NID2: variants seen among roughly 807,000 people sequenced by gnomAD.
NID2 encodes nidogen 2, also known as nidogen-2.
NID2 carries 83 observed loss-of-function variants against 145.4 expected under a neutral mutation model. The ratio of observed to expected loss-of-function variants is 0.57; its 90% CI spans 0.48 to 0.69. The LOEUF (loss-of-function observed/expected upper bound fraction) is 0.69. NID2 is among the 30% of genes least tolerant of loss of function. The probability of loss-of-function intolerance (pLI) is 0.00; values close to 1 mark genes in which losing one functional copy is unlikely to be tolerated. For synonymous variants in NID2, 739 were observed against 701.3 expected (o/e 1.05, Z -0.85); for missense variants, 1,807 against 1,765.7 (o/e 1.02, Z -0.42).
intron 14 of NID2, among the ~76,000 whole-genome samples, chr14:52,018,016 A>G (rs891644733): frequency 1.3e-5 from 2 of 152,134 alleles, no homozygotes; most frequent in Admixed American, 1.3e-4. Flanking sequence ...ACGGGGTTTC[A>G]CTATGTTGGC....
At chr14:52,025,449 C>T (rs1440066529) in intron 12 of NID2, among the ~76,000 whole-genome samples, 1 of 152,200 alleles carries the variant, frequency 6.6e-6, no homozygotes, top group African/African-American at 2.4e-5. Context: ...AATACCAAGA[C>T]ACACAGGAAT....
In NID2 at chr14:52,028,749, A is replaced by C; in HGVS notation, c.2503T>G (p.Phe835Val). Residue 835 changes from phenylalanine (F) to valine (V), a missense_variant, in exon 11 of 22, where the codon TTT (phenylalanine) becomes GTT (valine). Transcript: ENST00000216286. ...YRCECRSGYE[F>V]ADDRHTCILI... ...ATGCAAGTATGCCGGTCATCTGCAA[A>C]CTCATAACCACTCCGGCACTCACAC... 2 of 1,612,816 alleles carry C rather than the reference A, an allele frequency of 1.2e-6. No individual in the cohort carries two copies. The highest frequency in any genetic ancestry group is 1.7e-6 in the Non-Finnish European group (2 of 1,179,496).
Position 52,014,408 on chromosome 14 carries a change from T to TCTGGC in NID2, c.3294_3298dup (p.Asp1100GlyfsTer4), listed in dbSNP as rs1281713065. 6 of 1,614,114 alleles carry TCTGGC rather than the reference T, an allele frequency of 3.7e-6. No homozygotes were observed. Among genetic ancestry groups the TCTGGC allele is most frequent in the Non-Finnish European group, 5.1e-6 (6 of 1,179,980 alleles). ...GGTGCCCACAGATGGAGGGGTCACA[T>TCTGGC]CTGGCCGGGGCGTGGGCCGGACCAT... is the stretch of plus-strand genomic sequence containing the variant. On this transcript the variant is annotated frameshift_variant, in exon 16 of 22. Transcript: ENST00000216286. LOFTEE classifies it high-confidence loss of function.
chr14:52,005,535 G>A (rs1423452891), intron 21 of NID2, 39 bp from the exon 22 acceptor site: 15 of 1,588,336 alleles, frequency 9.4e-6, no homozygotes, highest in Non-Finnish European at 1.3e-5. Flanking sequence ...GGTGGTGGGT[G>A]AGTATATTGT....
Position 52,048,804 on chromosome 14 carries a change from A to G in NID2, c.1429+4775T>C, listed in dbSNP as rs10139081. On this transcript the variant is annotated intron_variant, in intron 5 of 21. Transcript: ENST00000216286. ...AGGGAAGACCTCGGGAGAAGGAGACATTTGGGCAGAGGCCTGGAGGTGTTG... is the reference window on the plus strand; with the variant it reads ...AGGGAAGACCTCGGGAGAAGGAGACGTTTGGGCAGAGGCCTGGAGGTGTTG... Among the ~76,000 whole-genome samples, 530 of 152,258 alleles carry G rather than the reference A, an allele frequency of 3.5e-3. 5 individuals carry two copies. The highest frequency in any genetic ancestry group is 0.012 in the African/African-American group (512 of 41,542).
At position 52,015,279 on chromosome 14, in the gene NID2, A is replaced by G; in HGVS notation, c.3029-4T>C. On this transcript the variant is annotated splice_polypyrimidine_tract_variant and splice_region_variant and intron_variant, in intron 14 of 21. Coordinates refer to ENST00000216286, the MANE Select transcript of NID2 (RefSeq NM_007361.4). ...GTCGGGGGCCTCTGGGTGGGCTCTG[A>G]GCAGATGGGGAAGAGGGAAGAAGAA... The G allele has an allele frequency of 6.2e-7, 1 of 1,602,718 alleles. No individual in the cohort carries two copies. The highest frequency in any genetic ancestry group is 2.2e-5 in the East Asian group (1 of 44,528).
In NID2 at chr14:52,067,947, G is replaced by A. The variant is rs1566779599; in HGVS notation, c.445C>T (p.Arg149Cys). 2.5e-6 allele frequency: 4 copies of A among 1,611,490 alleles called. No homozygotes were observed. The highest frequency in any genetic ancestry group is 2.2e-5 in the East Asian group (1 of 44,856). Reference sequence around the variant, plus strand: ...AGGAAGGCGTGGGTGGGGGTAAAGCGCGCAGAGCGCGGGAAGCCAGCGCGC... The same window carrying A: ...AGGAAGGCGTGGGTGGGGGTAAAGCACGCAGAGCGCGGGAAGCCAGCGCGC... The part of the protein sequence containing the change: ...YVRAGFPRSA[R>C]FTPTHAFLAT... Residue 149 changes from arginine (R) to cysteine (C), a missense_variant, in exon 2 of 22, where the codon CGC becomes TGC. By Grantham distance (180) the Arg-to-Cys change is radical (BLOSUM62 -3). Coordinates refer to ENST00000216286, the MANE Select transcript of NID2 (RefSeq NM_007361.4).
rs753968595 is a variant in NID2 at position 52,011,724 on chromosome 14, A to T, written c.3421-41T>A. On this transcript the variant is annotated intron_variant, in intron 16 of 21. Transcript: ENST00000216286. Reference sequence around the variant, plus strand: ...CATAGAATTAGAAGAATTAGGTTACATTTCCCCTTTGTTCACACTCAGCTG... The same window carrying T: ...CATAGAATTAGAAGAATTAGGTTACTTTTCCCCTTTGTTCACACTCAGCTG... 8 of 1,612,110 alleles carry T rather than the reference A, an allele frequency of 5.0e-6. No homozygotes were observed. The South Asian group carries it at 8.8e-5, about 18-fold the overall frequency.
At chr14:52,018,064 G>A (rs557165370) in intron 14 of NID2, among the ~76,000 whole-genome samples, 10 of 152,258 alleles carry the variant, frequency 6.6e-5, no homozygotes, top group African/African-American at 2.4e-4. Context: ...TGATCCACCC[G>A]CCTCGGCCTC....
chr14:52,026,998 T>G (rs1213371399), intron 12 of NID2, among the ~76,000 whole-genome samples: 1 of 152,218 alleles, frequency 6.6e-6, no homozygotes, highest in Non-Finnish European at 1.5e-5. Context: ...GGAAGCCATA[T>G]ATGCTCGCCC....
rs1466446283 is a variant in NID2, at chr14:52,044,186, G to C, written c.1430-1255C>G. On this transcript the variant is annotated intron_variant, in intron 5 of 21. Coordinates refer to ENST00000216286, the MANE Select transcript of NID2 (RefSeq NM_007361.4). ...ATAGGTACAATGTCACCAAGATAAA[G>C]ACCTCCATCAGCAAATAAAAATATA... is the stretch of plus-strand genomic sequence containing the variant. 2.0e-5 allele frequency among the ~76,000 whole-genome samples: 3 copies of C among 150,772 alleles called. No individual in the cohort carries two copies. In the East Asian group the frequency reaches 5.9e-4, roughly 29 times the overall value.
Position 52,054,425 on chromosome 14 carries a change from G to A in NID2, c.768-104C>T, listed in dbSNP as rs905193172. 16 of 1,149,174 alleles carry A rather than the reference G, an allele frequency of 1.4e-5. No individual in the cohort carries two copies. The East Asian group carries it at 3.0e-4, about 21-fold the overall frequency. The allele number at this position is 1,149,174 out of a possible 1,614,324, so 71.2% of individuals were successfully genotyped here. On this transcript the variant is annotated intron_variant, in intron 3 of 21. Coordinates refer to ENST00000216286, the MANE Select transcript of NID2 (RefSeq NM_007361.4). ...TTATTTTAAAACGGAAAGACAGCTG[G>A]GCATGGTGGCTCACACTTATAATCC...
intron 13 of NID2, among the ~76,000 whole-genome samples, chr14:52,019,794 G>T (rs1566748007): frequency 6.6e-6 from 1 of 152,178 alleles, no homozygotes; most frequent in Non-Finnish European, 1.5e-5. Context: ...ACTCATCAAG[G>T]TCAAGCAGAT....
chr14:52,044,335 T>C (rs1007404659), intron 5 of NID2, among the ~76,000 whole-genome samples: 1 of 136,554 alleles, frequency 7.3e-6, no homozygotes, highest in African/African-American at 2.8e-5. Flanking sequence ...AGTGGCACGA[T>C]CACAGCTCAC....
chr14:52,056,476 G>C (rs1291142219), intron 3 of NID2, among the ~76,000 whole-genome samples: 1 of 152,134 alleles, frequency 6.6e-6, no homozygotes, highest in African/African-American at 2.4e-5. Context: ...GTTGTTAGGA[G>C]AATTAAGTGA....
chr14:52,007,691 G>T, intron 19 of NID2, 119 bp downstream of exon 19: 1 of 952,728 alleles, frequency 1.0e-6, no homozygotes, highest in Non-Finnish European at 1.6e-6. Context: ...GTACTTAAAA[G>T]TTTACAGACC....
At chr14:52,042,536 CCTT>C (rs1892323293) in intron 6 of NID2, among the ~76,000 whole-genome samples, 186 bp from the exon 7 acceptor site, 1 of 51,760 alleles carries the variant, frequency 1.9e-5, no homozygotes, top group Non-Finnish European at 3.6e-5. Context: ...CTCCCCTCCT[CCTT>C]CTACTCCACT....
chr14:52,053,819 G>A lies in NID2; in HGVS notation c.1189C>T (p.Pro397Ser), dbSNP rs1345344728. 6.2e-7 allele frequency: 1 copy of A among 1,614,030 alleles called. No individual in the cohort carries two copies. Among genetic ancestry groups the A allele is most frequent in the East Asian group, 2.2e-5 (1 of 44,890 alleles). Residue 397 changes from proline to serine, a missense_variant, in exon 5 of 22, where the codon CCA becomes TCA. Coordinates refer to ENST00000216286, the MANE Select transcript of NID2 (RefSeq NM_007361.4). ...GCCAGTGAATCTCTGTCTACCTCTGGTGGAGCTGGGCTTCTGGTCTCTCTC... is the reference window on the plus strand; with the variant it reads ...GCCAGTGAATCTCTGTCTACCTCTGATGGAGCTGGGCTTCTGGTCTCTCTC... ...DERETRSPAPPEVDRDSLAPS... is the reference protein window; with the variant it reads ...DERETRSPAPSEVDRDSLAPS...
chr14:52,063,300 G>C (rs1438893200), intron 2 of NID2, among the ~76,000 whole-genome samples: 1 of 152,208 alleles, frequency 6.6e-6, no homozygotes, highest in Admixed American at 6.5e-5. Context: ...GCTCCCCCAG[G>C]ATCCCAGAGA....
Sources: gnomAD v4.1 joint callset for allele counts (sites outside exome capture counted in the v4.1 genomes callset) on GRCh38, gnomAD v4.1.1 for gene constraint, MANE v1.5 for transcripts, NCBI Gene and HGNC (gene_info 2026-07-23, HGNC 2026-07-21) for gene names.